Variants in PTPRD observed in about 807,000 individuals in gnomAD.
PTPRD encodes receptor-type tyrosine-protein phosphatase delta.
In PTPRD, 34 loss-of-function variants were observed where a neutral mutation model predicts 214.5. The ratio of observed to expected loss-of-function variants is 0.16; its 90% CI spans 0.12 to 0.21. The LOEUF (loss-of-function observed/expected upper bound fraction) is 0.21. Ranked by LOEUF, PTPRD falls within the 10% of genes least tolerant of loss-of-function variation. The pLI, the probability that PTPRD is intolerant of heterozygous loss-of-function variation, is 1.00. For missense variants in PTPRD, 2,545 were observed against 2,398.7 expected, an observed-to-expected ratio of 1.06 and a Z score of -1.27; for synonymous variants, 1,128 against 845.7, an observed-to-expected ratio of 1.33 and a Z score of -5.79.
chr9:8,749,155 T>C (rs1444943318), intron 11 of PTPRD, among the ~76,000 whole-genome samples: 6 of 152,146 alleles, frequency 3.9e-5, no homozygotes, highest in East Asian at 3.9e-4. Flanking sequence ...TAGGGGCCCA[T>C]TGCCCTAGAT....
chr9:8,816,574 A>T (rs1208893005), intron 11 of PTPRD, among the ~76,000 whole-genome samples: 2 of 152,180 alleles, frequency 1.3e-5, no homozygotes, highest in African/African-American at 4.8e-5. Flanking sequence ...AAACCAATCA[A>T]GCTTCTTCAC....
At chr9:9,711,682 A>G (rs754772371) in intron 7 of PTPRD, among the ~76,000 whole-genome samples, 2 of 152,194 alleles carry the variant, frequency 1.3e-5, no homozygotes, top group Non-Finnish European at 2.9e-5. Context: ...TTTGATGATC[A>G]GAACTGGCTA....
rs140196088 is a variant in PTPRD at position 10,307,932 on chromosome 9, G to C, written c.-545+33031C>G. ...TTGGGATTATTTGATTTTTGTTGTT[G>C]AATTGTTTGAGTTCCTTGTATTCTG... On this transcript the variant is annotated intron_variant, in intron 3 of 45. Coordinates refer to ENST00000381196, the MANE Select transcript of PTPRD (RefSeq NM_002839.4). 2.0e-3 allele frequency among the ~76,000 whole-genome samples: 309 copies of C among 151,858 alleles called. 6 individuals are homozygous for C. The Middle Eastern group carries it at 0.021, about 10-fold the overall frequency.
At chr9:8,826,109 G>T (rs1486594137) in intron 11 of PTPRD, among the ~76,000 whole-genome samples, 3 of 151,966 alleles carry the variant, frequency 2.0e-5, no homozygotes, top group Non-Finnish European at 1.5e-5. Flanking sequence ...ACAGATAAAG[G>T]CCTGTATCTG....
At chr9:8,454,215 T>A (rs561449081) in intron 33 of PTPRD, among the ~76,000 whole-genome samples, 13 of 152,300 alleles carry the variant, frequency 8.5e-5, no homozygotes, top group African/African-American at 3.1e-4. Context: ...AACTAATCTT[T>A]GGTAAAAACA....
At chr9:10,059,613 T>G (rs2097720625) in intron 3 of PTPRD, among the ~76,000 whole-genome samples, 2 of 152,088 alleles carry the variant, frequency 1.3e-5, no homozygotes, top group East Asian at 3.9e-4. Flanking sequence ...ATTGTAAAAC[T>G]CTTGTCTTTT....
At chr9:9,242,243 A>G (rs201031260) in intron 9 of PTPRD, among the ~76,000 whole-genome samples, 1 of 152,066 alleles carries the variant, frequency 6.6e-6, no homozygotes, top group Non-Finnish European at 1.5e-5. Context: ...TCCCTTTGTG[A>G]GTAACCCGAC....
At position 10,136,484 on chromosome 9, in the gene PTPRD, T is replaced by C. The variant is rs528540146; in HGVS notation, c.-544-102694A>G. Among the ~76,000 whole-genome samples the C allele has an allele frequency of 2.6e-5, 4 of 152,238 alleles. No individual in the cohort carries two copies. In the South Asian group the frequency reaches 8.3e-4, roughly 32 times the overall value. ...CTAAGATCAGTCACAGGCTTAATGA[T>C]AAAGCAAGTCTAAATAAATTCCAAA... On this transcript the variant is annotated intron_variant, in intron 3 of 45. Coordinates refer to ENST00000381196, the MANE Select transcript of PTPRD (RefSeq NM_002839.4).
chr9:9,504,363 A>C (rs1403797344), intron 8 of PTPRD, among the ~76,000 whole-genome samples: 1 of 151,714 alleles, frequency 6.6e-6, no homozygotes, highest in Non-Finnish European at 1.5e-5. Flanking sequence ...CATTGTTCTT[A>C]GTAGATAATT....
At chr9:8,850,093 A>C (rs1391859151) in intron 11 of PTPRD, among the ~76,000 whole-genome samples, 5 of 152,184 alleles carry the variant, frequency 3.3e-5, no homozygotes, top group African/African-American at 1.2e-4. Flanking sequence ...ACTCAGATGA[A>C]GTATGAAGAA....
intron 7 of PTPRD, among the ~76,000 whole-genome samples, chr9:9,611,752 T>G (rs1037522933): frequency 1.3e-5 from 2 of 152,118 alleles, no homozygotes; most frequent in African/African-American, 4.8e-5. Flanking sequence ...TGTAGAAGTA[T>G]TTAACAGTAA....
intron 3 of PTPRD, among the ~76,000 whole-genome samples, chr9:10,195,098 A>ATTTTTTTTTTTTTTTTTTTTTTTTT (rs34900305): frequency 1.0e-5 from 1 of 97,912 alleles, no homozygotes; most frequent in Non-Finnish European, 1.9e-5. Context: ...ATACCCGGCT[A>ATTTTTTTTTTTTTTTTTTTTTTTTT]TTTTTTTTTT....
At chr9:9,045,356 G>C (rs551250203) in intron 10 of PTPRD, among the ~76,000 whole-genome samples, 2 of 152,142 alleles carry the variant, frequency 1.3e-5, no homozygotes, top group Non-Finnish European at 2.9e-5. Context: ...CACAGTGCTT[G>C]AGTGTTGGCC....
intron 7 of PTPRD, among the ~76,000 whole-genome samples, chr9:9,588,573 G>A (rs1455724993): frequency 6.6e-6 from 1 of 151,940 alleles, no homozygotes; most frequent in East Asian, 1.9e-4. Context: ...ATTAGTGAAA[G>A]ATAGAAAACC....
At chr9:10,097,075 C>G (rs2098497455) in intron 3 of PTPRD, among the ~76,000 whole-genome samples, 1 of 151,036 alleles carries the variant, frequency 6.6e-6, no homozygotes, top group African/African-American at 2.4e-5. Context: ...TCTGAGGGCT[C>G]TGTTCTGTTC....
intron 8 of PTPRD, among the ~76,000 whole-genome samples, chr9:9,514,305 T>A (rs1288212849): frequency 6.6e-6 from 1 of 151,980 alleles, no homozygotes; most frequent in Non-Finnish European, 1.5e-5. Context: ...GAATCATAAC[T>A]GAGTTTTTTT....
At chr9:9,630,968 G>C (rs1381482662) in intron 7 of PTPRD, among the ~76,000 whole-genome samples, 2 of 152,072 alleles carry the variant, frequency 1.3e-5, no homozygotes, top group Non-Finnish European at 2.9e-5. Flanking sequence ...TGGATGCGAA[G>C]TATATAAATC....
intron 35 of PTPRD, among the ~76,000 whole-genome samples, chr9:8,411,848 T>C (rs7856797): frequency 0.33 from 49,865 of 152,030 alleles, 8,527 homozygotes; most frequent in Middle Eastern, 0.37. Flanking sequence ...TTCTATATAG[T>C]TGATGTTCTT....
At chr9:9,730,501 G>C (rs1417105316) in intron 7 of PTPRD, among the ~76,000 whole-genome samples, 1 of 151,978 alleles carries the variant, frequency 6.6e-6, no homozygotes, top group Non-Finnish European at 1.5e-5. Context: ...TTTCCCCTTG[G>C]ATTTAAAGTA....
Sources: allele counts gnomAD v4.1 joint callset (sites outside exome capture counted in the v4.1 genomes callset), GRCh38; gene constraint gnomAD v4.1.1; transcripts MANE v1.5; gene names NCBI Gene and HGNC (gene_info 2026-07-23, HGNC 2026-07-21).